PTK2: variants seen among roughly 807,000 people sequenced by gnomAD.
The protein encoded by PTK2 is protein tyrosine kinase 2, also known as focal adhesion kinase 1.
In PTK2, 45 loss-of-function variants were observed where a neutral mutation model predicts 150.1. That is an observed-to-expected ratio of 0.30 (90% confidence interval 0.24 to 0.38). PTK2 has a LOEUF of 0.38. PTK2 is among the 10% of genes least tolerant of loss of function. The pLI, the probability that PTK2 is intolerant of heterozygous loss-of-function variation, is 1.00. For synonymous variants in PTK2, 432 were observed against 449.2 expected (o/e 0.96, Z 0.48); for missense variants, 919 against 1,307.3 (o/e 0.70, Z 4.58).
chr8:140,820,248 G>A (rs985738869), intron 8 of PTK2, among the ~76,000 whole-genome samples: 1 of 151,368 alleles, frequency 6.6e-6, no homozygotes, highest in African/African-American at 2.4e-5. Flanking sequence ...TTACAGGTGT[G>A]CACCACCACA....
chr8:140,982,067 A>T lies in PTK2; in HGVS notation c.-122+19058T>A, dbSNP rs1192469247. 2.4e-4 allele frequency among the ~76,000 whole-genome samples: 7 copies of T among 29,328 alleles called. No individual in the cohort carries two copies. In the East Asian group the frequency reaches 6.5e-3, roughly 27 times the overall value. 19.2% of individuals were successfully genotyped at this position (29,328 alleles called of 152,430 possible). On this transcript the variant is annotated intron_variant, in intron 1 of 31. Transcript: ENST00000522684. The stretch of plus-strand genomic sequence containing the variant: ...GCTCCACGCTTCACCAACTCAATAA[A>T]AAAAAAAAAAAAAAAATGACTCAGT...
intron 14 of PTK2, among the ~76,000 whole-genome samples, chr8:140,786,531 T>C (rs2100085046): frequency 6.6e-6 from 1 of 152,084 alleles, no homozygotes; most frequent in African/African-American, 2.4e-5. Context: ...GGCTTATCAG[T>C]TTTTAGGTTT....
chr8:140,886,918 C>T lies in PTK2; in HGVS notation c.195+3625G>A, dbSNP rs144971375. On this transcript the variant is annotated intron_variant, in intron 3 of 31. Transcript: ENST00000522684. ...TCATTATTTTTCTGAATTATCACTG[C>T]CATGTTTCTAGATGACTGGTCTTAT... Among the ~76,000 whole-genome samples the T allele has an allele frequency of 2.5e-4, 38 of 152,226 alleles. 1 individual carries two copies. Among genetic ancestry groups the T allele is most frequent in the Non-Finnish European group, 3.5e-4 (24 of 68,014 alleles).
chr8:140,715,411 A>T (rs1307174250), intron 23 of PTK2, among the ~76,000 whole-genome samples: 1 of 151,878 alleles, frequency 6.6e-6, no homozygotes, highest in Non-Finnish European at 1.5e-5. Flanking sequence ...ACCTCAGGTG[A>T]TCTGCTCGCC....
At chr8:140,955,279 G>A (rs549744654) in intron 1 of PTK2, among the ~76,000 whole-genome samples, 40 of 152,270 alleles carry the variant, frequency 2.6e-4, no homozygotes, top group African/African-American at 8.7e-4. Context: ...GGTCTTTCCC[G>A]TGTTCTTCTC....
chr8:140,686,511 T>G, intron 27 of PTK2, 121 bp downstream of exon 30: 1 of 833,476 alleles, frequency 1.2e-6, no homozygotes, highest in African/African-American at 1.7e-5. Context: ...AATGTTAACT[T>G]TATAGAATAT....
intron 1 of PTK2, among the ~76,000 whole-genome samples, chr8:140,972,232 A>G (rs1050134798): frequency 6.6e-6 from 1 of 152,118 alleles, no homozygotes; most frequent in African/African-American, 2.4e-5. Flanking sequence ...TTTTTTAATT[A>G]TGCTCAATTG....
At chr8:140,913,449 C>A (rs915603441) in intron 2 of PTK2, among the ~76,000 whole-genome samples, 2 of 152,000 alleles carry the variant, frequency 1.3e-5, no homozygotes, top group Non-Finnish European at 2.9e-5. Context: ...GTACACGCCA[C>A]TACACCCAGC....
chr8:140,916,016 T>C (rs1445076475), intron 2 of PTK2, among the ~76,000 whole-genome samples: 1 of 152,144 alleles, frequency 6.6e-6, no homozygotes, highest in Non-Finnish European at 1.5e-5. Flanking sequence ...CCCCAAATAC[T>C]AATAATGAGG....
At chr8:140,954,137 G>A (rs759561305) in intron 1 of PTK2, among the ~76,000 whole-genome samples, 4 of 152,058 alleles carry the variant, frequency 2.6e-5, no homozygotes, top group African/African-American at 9.7e-5. Context: ...GCAACATCAC[G>A]TCTGGCTAAT....
At chr8:140,734,114 T>G (rs993659080) in intron 22 of PTK2, among the ~76,000 whole-genome samples, 4 of 152,210 alleles carry the variant, frequency 2.6e-5, no homozygotes, top group Non-Finnish European at 4.4e-5. Context: ...GTTGAACAGC[T>G]TGAACATGTG....
chr8:140,784,462 C>A lies in PTK2; in HGVS notation c.1177+5012G>T, dbSNP rs144615926. ...AAAAAAAAACCCAAACACAATAATC[C>A]ACCAAACAAAACCCCCAAGTTTATA... On this transcript the variant is annotated intron_variant, in intron 14 of 31. Transcript: ENST00000522684. 4.5e-3 allele frequency among the ~76,000 whole-genome samples: 684 copies of A among 152,140 alleles called. 4 individuals are homozygous for A. The highest frequency in any genetic ancestry group is 0.016 in the African/African-American group (647 of 41,504).
At chr8:140,934,626 C>T (rs534006325) in intron 1 of PTK2, 1 of 152,292 alleles carries the variant, frequency 6.6e-6, no homozygotes, top group South Asian at 2.1e-4. Context: ...CAAGACCTCA[C>T]AATGGCCCAG....
intron 7 of PTK2, among the ~76,000 whole-genome samples, chr8:140,830,857 A>G (rs1412813317): frequency 6.6e-6 from 1 of 152,164 alleles, no homozygotes; most frequent in African/African-American, 2.4e-5. Context: ...TTTTTCAGAT[A>G]TTTCTTGAAG....
chr8:140,893,255 T>A (rs1178557715), intron 2 of PTK2, among the ~76,000 whole-genome samples: 1 of 152,140 alleles, frequency 6.6e-6, no homozygotes, highest in African/African-American at 2.4e-5. Context: ...GAGGCTGCAG[T>A]AGCTGTGATC....
At chr8:140,668,156 C>T in intron 30 of PTK2, 113 bp downstream of exon 34, 1 of 1,232,680 alleles carries the variant, frequency 8.1e-7, no homozygotes, top group East Asian at 2.4e-5. Context: ...GCTTCTAAAG[C>T]ATCAGTTCTG....
chr8:140,747,704 G>A (rs560422412), intron 17 of PTK2, among the ~76,000 whole-genome samples: 4 of 88,444 alleles, frequency 4.5e-5, no homozygotes, highest in Admixed American at 2.2e-4. Context: ...GAGGGAGGAG[G>A]AGGGGGAGGA....
chr8:140,837,500 G>A (rs1026954964), intron 7 of PTK2, among the ~76,000 whole-genome samples: 3 of 151,960 alleles, frequency 2.0e-5, no homozygotes, highest in South Asian at 4.1e-4. Context: ...AGGCCAACGC[G>A]GGTGGATCAC....
intron 2 of PTK2, among the ~76,000 whole-genome samples, chr8:140,918,103 C>T (rs1025982276): frequency 2.0e-5 from 3 of 152,168 alleles, no homozygotes; most frequent in South Asian, 4.2e-4. Context: ...AAGCTGAGAC[C>T]GAAAAGGTTA....
Sources: gnomAD v4.1 joint callset for allele counts (sites outside exome capture counted in the v4.1 genomes callset) on GRCh38, gnomAD v4.1.1 for gene constraint, MANE v1.5 for transcripts, NCBI Gene and HGNC (gene_info 2026-07-23, HGNC 2026-07-21) for gene names.